Variants in DPYD observed in about 807,000 individuals in gnomAD.
DPYD encodes dihydropyrimidine dehydrogenase [NADP(+)].
Under a neutral mutation model 116.2 loss-of-function variants are expected in DPYD, and 109 were observed. That is an observed-to-expected ratio of 0.94 (90% confidence interval 0.80 to 1.10). The LOEUF (loss-of-function observed/expected upper bound fraction) is 1.10, where lower values mean the gene tolerates loss of function less well. DPYD is among the 50% of genes least tolerant of loss of function. The pLI is 0.00. For synonymous variants in DPYD, 440 were observed against 432.0 expected (o/e 1.02, Z -0.23); for missense variants, 1,302 against 1,254.5 (o/e 1.04, Z -0.57).
At chr1:97,140,530 C>G (rs1654136793) in intron 20 of DPYD, among the ~76,000 whole-genome samples, 1 of 152,090 alleles carries the variant, frequency 6.6e-6, no homozygotes, top group African/African-American at 2.4e-5. Context: ...ATATCACAAC[C>G]ATGCCATAAG....
intron 8 of DPYD, among the ~76,000 whole-genome samples, chr1:97,615,355 C>A (rs987046289): frequency 6.6e-6 from 1 of 152,078 alleles, no homozygotes; most frequent in Non-Finnish European, 1.5e-5. Flanking sequence ...TTACTATGAG[C>A]TAGACACTAT....
At chr1:97,213,101 T>A (rs1328528436) in intron 19 of DPYD, among the ~76,000 whole-genome samples, 2 of 152,066 alleles carry the variant, frequency 1.3e-5, no homozygotes, top group Admixed American at 6.6e-5. Flanking sequence ...GTCTCTTGAA[T>A]AAAAGCACCA....
intron 2 of DPYD, among the ~76,000 whole-genome samples, chr1:97,844,770 C>T (rs1670209225): frequency 6.6e-6 from 1 of 152,168 alleles, no homozygotes; most frequent in Non-Finnish European, 1.5e-5. Flanking sequence ...CCAGCTGTGG[C>T]TCCAGACCTG....
At chr1:97,784,042 T>C (rs1290128199) in intron 3 of DPYD, among the ~76,000 whole-genome samples, 2 of 152,324 alleles carry the variant, frequency 1.3e-5, no homozygotes, top group East Asian at 3.9e-4. Context: ...TTCTTTTTGC[T>C]GTTAGTAATA....
chr1:97,355,469 T>C (rs1370036544), intron 16 of DPYD, among the ~76,000 whole-genome samples: 1 of 152,192 alleles, frequency 6.6e-6, no homozygotes, highest in East Asian at 1.9e-4. Context: ...ATATTCACCA[T>C]GTTTTACAAT....
chr1:97,680,948 T>C (rs77710101), intron 7 of DPYD, among the ~76,000 whole-genome samples: 3,161 of 152,202 alleles, frequency 0.021, 84 homozygotes, highest in South Asian at 0.044. Flanking sequence ...GGTTTCTTTG[T>C]GTTCTGAAGG....
At chr1:97,617,354 T>G (rs1355466593) in intron 8 of DPYD, among the ~76,000 whole-genome samples, 1 of 152,176 alleles carries the variant, frequency 6.6e-6, no homozygotes, top group Admixed American at 6.5e-5. Context: ...GCAAATATAT[T>G]TTTACAAGAG....
At chr1:97,333,765 C>A (rs1669150555) in intron 16 of DPYD, among the ~76,000 whole-genome samples, 2 of 151,888 alleles carry the variant, frequency 1.3e-5, no homozygotes, top group South Asian at 4.2e-4. Flanking sequence ...CGTGATCCAC[C>A]CGCCTCGGCC....
At chr1:97,330,716 T>C (rs773433010) in intron 16 of DPYD, among the ~76,000 whole-genome samples, 6 of 152,170 alleles carry the variant, frequency 3.9e-5, no homozygotes, top group Non-Finnish European at 8.8e-5. Context: ...TTTGGGAAAG[T>C]CACAGTTAAC....
chr1:97,642,893 T>G (rs137963308), intron 8 of DPYD, among the ~76,000 whole-genome samples: 2 of 143,240 alleles, frequency 1.4e-5, no homozygotes, highest in Non-Finnish European at 3.0e-5. Context: ...ATAATAAAAT[T>G]AAATTAAATT....
At chr1:97,466,591 A>T (rs1190440802) in intron 13 of DPYD, among the ~76,000 whole-genome samples, 1 of 152,186 alleles carries the variant, frequency 6.6e-6, no homozygotes, top group Non-Finnish European at 1.5e-5. Flanking sequence ...GCTTTTAAAC[A>T]TGCAATAAAA....
intron 12 of DPYD, among the ~76,000 whole-genome samples, chr1:97,538,500 T>C (rs1054259078): frequency 1.3e-5 from 2 of 152,214 alleles, no homozygotes; most frequent in African/African-American, 4.8e-5. Flanking sequence ...CAACCACTAG[T>C]GATTTTTTTT....
chr1:97,286,303 G>C (rs1156677280), intron 18 of DPYD, among the ~76,000 whole-genome samples: 1 of 152,134 alleles, frequency 6.6e-6, no homozygotes, highest in Non-Finnish European at 1.5e-5. Flanking sequence ...TTAGTCTGAT[G>C]GGCTTCCCTT....
chr1:97,827,134 T>C (rs578207320), intron 3 of DPYD, among the ~76,000 whole-genome samples: 6 of 152,200 alleles, frequency 3.9e-5, no homozygotes, highest in African/African-American at 1.4e-4. Flanking sequence ...CTAAAGTATA[T>C]GGTAACTGTG....
intron 20 of DPYD, among the ~76,000 whole-genome samples, chr1:97,165,456 C>T (rs1481406482): frequency 6.6e-6 from 1 of 151,912 alleles, no homozygotes; most frequent in Non-Finnish European, 1.5e-5. Context: ...AAATGTAAAA[C>T]TCTATAAAAA....
rs79523487 is a variant in DPYD, at chr1:97,352,799, G to T, written c.2058+20762C>A. Among the ~76,000 whole-genome samples, 94 of 152,190 alleles carry T rather than the reference G, an allele frequency of 6.2e-4. 1 individual carries two copies. In the East Asian group the frequency reaches 0.017, roughly 27 times the overall value. The stretch of plus-strand genomic sequence containing the variant: ...GTACATACAGTAAAGTGCACCTTTC[G>T]TGAAGGGAAAATGACAACTACATAA... On this transcript the variant is annotated intron_variant, in intron 16 of 22. Transcript: ENST00000370192.
intron 14 of DPYD, among the ~76,000 whole-genome samples, chr1:97,424,724 T>C (rs1674771969): frequency 6.6e-6 from 1 of 152,048 alleles, no homozygotes; most frequent in Non-Finnish European, 1.5e-5. Context: ...GTATGAACCC[T>C]TTAAATATTA....
intron 19 of DPYD, among the ~76,000 whole-genome samples, chr1:97,193,692 A>C (rs1382522817): frequency 6.6e-6 from 1 of 151,886 alleles, no homozygotes; most frequent in African/African-American, 2.4e-5. Flanking sequence ...TATTACGTTA[A>C]CTCAACCATC....
intron 1 of DPYD, among the ~76,000 whole-genome samples, chr1:97,908,196 C>A (rs1385464624): frequency 3.9e-5 from 6 of 151,990 alleles, no homozygotes; most frequent in African/African-American, 1.4e-4. Flanking sequence ...CAGGCACACA[C>A]CAGCACACCA....
Sources: allele counts gnomAD v4.1 joint callset (sites outside exome capture counted in the v4.1 genomes callset), GRCh38; gene constraint gnomAD v4.1.1; transcripts MANE v1.5; gene names NCBI Gene and HGNC (gene_info 2026-07-23, HGNC 2026-07-21).